The following PRPH2 variants were observed in gnomAD, a reference collection of about 807,000 sequenced individuals.
PRPH2 encodes peripherin 2.
A neutral mutation model predicts 31.3 loss-of-function variants in PRPH2; 17 were observed. The ratio of observed to expected loss-of-function variants is 0.54; its 90% CI spans 0.37 to 0.81. The LOEUF (loss-of-function observed/expected upper bound fraction) is 0.81. Among genes scored for constraint, PRPH2 ranks in the 40% least tolerant of loss-of-function variants. PRPH2 has a pLI of 0.00. For synonymous variants in PRPH2, 165 were observed against 184.4 expected (o/e 0.89, Z 0.85); for missense variants, 430 against 439.7 (o/e 0.98, Z 0.20).
chr6:42,706,332 G>C (rs950922253), intron 1 of PRPH2, among the ~76,000 whole-genome samples: 1 of 151,894 alleles, frequency 6.6e-6, no homozygotes, highest in Non-Finnish European at 1.5e-5. Flanking sequence ...GTGAACCCAG[G>C]GGGCGGAGCT....
At chr6:42,716,513 C>T (rs1484103046) in intron 1 of PRPH2, among the ~76,000 whole-genome samples, 1 of 151,562 alleles carries the variant, frequency 6.6e-6, no homozygotes, top group African/African-American at 2.4e-5. Context: ...ACCTCCCAGG[C>T]TCAACGGATT....
Position 42,721,911 on chromosome 6 carries a change from G to T in PRPH2, c.424C>A (p.Arg142=). 1.2e-6 allele frequency: 2 copies of T among 1,614,148 alleles called. No homozygotes were observed. The highest frequency in any genetic ancestry group is 1.1e-5 in the South Asian group (1 of 91,080). Residue 142 remains arginine, a synonymous_variant, in exon 1 of 3, where the codon CGG becomes AGG. Coordinates refer to ENST00000230381, the MANE Select transcript of PRPH2 (RefSeq NM_000322.5). ...QGLKNGMKYY[R]DTDTPGRCFM... is the part of the protein sequence containing the mutation. ...CACCTGCCAGGGGTGTCTGTGTCCC[G>T]GTAGTACTTCATGCCGTTCTTGAGC...
intron 2 of PRPH2, 41 bp from the exon 3 acceptor site, chr6:42,698,548 T>C (rs751995730): frequency 1.2e-4 from 188 of 1,612,450 alleles, no homozygotes; most frequent in Non-Finnish European, 1.4e-4. Context: ...TCTGGGAGAA[T>C]CGCTGGGAGC....
intron 1 of PRPH2, among the ~76,000 whole-genome samples, chr6:42,710,509 A>G (rs1034612904): frequency 3.9e-5 from 6 of 152,106 alleles, no homozygotes; most frequent in African/African-American, 1.4e-4. Flanking sequence ...CATTCCAACC[A>G]CAGATTAAGG....
At chr6:42,707,781 A>G (rs1442182846) in intron 1 of PRPH2, among the ~76,000 whole-genome samples, 1 of 152,104 alleles carries the variant, frequency 6.6e-6, no homozygotes, top group Non-Finnish European at 1.5e-5. Flanking sequence ...CCATGTTTCC[A>G]CACGCCCTGT....
chr6:42,721,877 T>C lies in PRPH2; in HGVS notation c.458A>G (p.Lys153Arg), dbSNP rs61755785. The C allele has an allele frequency of 6.2e-7, 1 of 1,614,238 alleles. No individual in the cohort carries two copies. The highest frequency in any genetic ancestry group is 8.5e-7 in the Non-Finnish European group (1 of 1,180,046). ...DTDTPGRCFM[K>R]KTIDMLQIEF... ...GATCTGCAGCATGTCGATGGTCTTC[T>C]TCATGAAACACCTGCCAGGGGTGTC... Residue 153 changes from lysine to arginine, a missense_variant, in exon 1 of 3, where the codon AAG becomes AGG. Lys to Arg is a conservative substitution (Grantham distance 26). Coordinates refer to ENST00000230381, the MANE Select transcript of PRPH2 (RefSeq NM_000322.5).
At chr6:42,709,725 G>C (rs1185209539) in intron 1 of PRPH2, among the ~76,000 whole-genome samples, 1 of 152,148 alleles carries the variant, frequency 6.6e-6, no homozygotes, top group Non-Finnish European at 1.5e-5. Context: ...TGACACCCCA[G>C]CTCCCTCACC....
intron 1 of PRPH2, among the ~76,000 whole-genome samples, chr6:42,715,607 G>A (rs767623688): frequency 3.9e-5 from 6 of 152,104 alleles, no homozygotes; most frequent in Admixed American, 3.3e-4. Flanking sequence ...GGAGGTGGAG[G>A]TTGCAGCAAG....
intron 1 of PRPH2, among the ~76,000 whole-genome samples, chr6:42,711,513 C>T (rs1426268866): frequency 4.6e-5 from 7 of 151,352 alleles, no homozygotes; most frequent in Non-Finnish European, 1.0e-4. Flanking sequence ...CTTCAGGGGA[C>T]CCTAGTTTGA....
intron 1 of PRPH2, 128 bp from the exon 2 acceptor site, chr6:42,704,739 G>A (rs1049243313): frequency 7.1e-7 from 1 of 1,405,282 alleles, no homozygotes; most frequent in Non-Finnish European, 1.0e-6. Context: ...TATTTGCTGT[G>A]CGCCCGCTAC....
intron 1 of PRPH2, among the ~76,000 whole-genome samples, chr6:42,710,138 G>A (rs1289323254): frequency 6.6e-6 from 1 of 151,842 alleles, no homozygotes; most frequent in Non-Finnish European, 1.5e-5. Flanking sequence ...GGGGCTCCCT[G>A]AGTCAGGGCT....
chr6:42,718,131 G>A (rs1233773247), intron 1 of PRPH2, among the ~76,000 whole-genome samples: 5 of 152,042 alleles, frequency 3.3e-5, no homozygotes, highest in African/African-American at 9.7e-5. Context: ...GCAACATGGC[G>A]AAACCCTGTC....
At chr6:42,714,708 G>A (rs947928172) in intron 1 of PRPH2, among the ~76,000 whole-genome samples, 1 of 152,002 alleles carries the variant, frequency 6.6e-6, no homozygotes, top group Non-Finnish European at 1.5e-5. Context: ...TGTAGAGATG[G>A]GGTTTCACTA....
At chr6:42,716,622 T>G (rs796702392) in intron 1 of PRPH2, among the ~76,000 whole-genome samples, 188 of 145,578 alleles carry the variant, frequency 1.3e-3, no homozygotes, top group African/African-American at 4.5e-3. Flanking sequence ...GTTTTTTTTT[T>G]TTTTTTTTTT....
intron 1 of PRPH2, among the ~76,000 whole-genome samples, chr6:42,719,907 T>C (rs1033558331): frequency 2.0e-5 from 3 of 152,316 alleles, no homozygotes; most frequent in Non-Finnish European, 4.4e-5. Context: ...TGTATGATTA[T>C]GTAAATGTTA....
chr6:42,717,607 C>T (rs1355909986), intron 1 of PRPH2, among the ~76,000 whole-genome samples: 3 of 152,074 alleles, frequency 2.0e-5, no homozygotes, highest in African/African-American at 2.4e-5. Flanking sequence ...TTTGGAGAGC[C>T]AGCTTTGTCA....
At chr6:42,707,895 G>T (rs1159588180) in intron 1 of PRPH2, among the ~76,000 whole-genome samples, 1 of 152,118 alleles carries the variant, frequency 6.6e-6, no homozygotes, top group Non-Finnish European at 1.5e-5. Context: ...GACAGCCTGG[G>T]TTTACTCCTG....
At chr6:42,719,316 A>AG (rs1761852473) in intron 1 of PRPH2, among the ~76,000 whole-genome samples, 1 of 151,886 alleles carries the variant, frequency 6.6e-6, no homozygotes, top group Admixed American at 6.6e-5. Context: ...AGCTGAGATT[A>AG]CAGGCATGCC....
rs58632063 is a variant in PRPH2, at chr6:42,709,334, T to TAAAAAAAAAAAAA, written c.582-4736_582-4724dup. On this transcript the variant is annotated intron_variant, in intron 1 of 2. Coordinates refer to ENST00000230381, the MANE Select transcript of PRPH2 (RefSeq NM_000322.5). ...AACAGAGTGAGACTCTGTCTCAAAT[T>TAAAAAAAAAAAAA]AAAAAAAAAAAAAAAAAAAAACTTG... 4.8e-4 allele frequency among the ~76,000 whole-genome samples: 37 copies of TAAAAAAAAAAAAA among 77,026 alleles called. No homozygotes were observed. The East Asian group carries it at 0.013, about 27-fold the overall frequency. The allele number at this position is 77,026 out of a possible 152,430, so 50.5% of individuals were successfully genotyped here. A position where few individuals can be genotyped will look rare whatever the true frequency, so the allele number is the denominator to read the frequency against.
Sources: allele counts gnomAD v4.1 joint callset (sites outside exome capture counted in the v4.1 genomes callset), GRCh38; gene constraint gnomAD v4.1.1; transcripts MANE v1.5; gene names NCBI Gene and HGNC (gene_info 2026-07-23, HGNC 2026-07-21).